Variants in RHBG observed in about 807,000 individuals in gnomAD.
RHBG encodes ammonium transporter Rh type B.
In RHBG, 39 loss-of-function variants were observed where a neutral mutation model predicts 40.1. That is an observed-to-expected ratio of 0.97 (90% confidence interval 0.75 to 1.27). The LOEUF is 1.27. RHBG is among the 50% of genes most tolerant of loss of function. The probability of loss-of-function intolerance (pLI) is 0.00; values close to 1 mark genes in which losing one functional copy is unlikely to be tolerated. For missense variants in RHBG, 549 were observed against 588.1 expected, an observed-to-expected ratio of 0.93 and a Z score of 0.69; for synonymous variants, 237 against 252.5, an observed-to-expected ratio of 0.94 and a Z score of 0.58.
Position 156,381,464 on chromosome 1 carries a change from G to A in RHBG, c.791G>A (p.Gly264Asp). The A allele has an allele frequency of 6.2e-7, 1 of 1,613,924 alleles. No individual in the cohort carries two copies. The highest frequency in any genetic ancestry group is 8.5e-7 in the Non-Finnish European group (1 of 1,179,884). The change falls in exon 5 of 10, where the codon GGC (glycine) becomes GAC (aspartate). Residue 264 changes from glycine (G) to aspartate (D), a missense_variant. Transcript: ENST00000537040. ...TYYSLAASTL[G>D]TFALSALVGE... Reference sequence around the variant, plus strand: ...TACTCCCTGGCTGCCAGCACCCTTGGCACCTTTGCCTTGTCAGCCCTTGTA... The same window carrying A: ...TACTCCCTGGCTGCCAGCACCCTTGACACCTTTGCCTTGTCAGCCCTTGTA...
intron 1 of RHBG, among the ~76,000 whole-genome samples, chr1:156,370,614 CAAAAA>C (rs59248542): frequency 6.1e-4 from 40 of 66,092 alleles, no homozygotes; most frequent in Middle Eastern, 0.015. Flanking sequence ...GACTCTGTCT[CAAAAA>C]AAAAAAAAAA....
intron 4 of RHBG, among the ~76,000 whole-genome samples, chr1:156,380,655 G>A (rs1486281175): frequency 6.7e-6 from 1 of 149,422 alleles, no homozygotes; most frequent in Non-Finnish European, 1.5e-5. Context: ...GAACCTGGGA[G>A]GCAGAGATTG....
chr1:156,384,467 G>T, intron 8 of RHBG, 60 bp from the exon 9 acceptor site: 2 of 1,515,402 alleles, frequency 1.3e-6, no homozygotes, highest in Non-Finnish European at 1.8e-6. Flanking sequence ...GCACTGGGTG[G>T]CACCCTCCTC....
At chr1:156,379,275 C>T (rs1451663286) in intron 4 of RHBG, among the ~76,000 whole-genome samples, 2 of 152,154 alleles carry the variant, frequency 1.3e-5, no homozygotes, top group East Asian at 1.9e-4. Flanking sequence ...GGATTACAGG[C>T]GTGAGCCACT....
chr1:156,382,992 G>T, intron 8 of RHBG, 123 bp downstream of exon 8: 1 of 1,386,630 alleles, frequency 7.2e-7, no homozygotes, highest in Non-Finnish European at 9.9e-7. Flanking sequence ...ATTGGGTTGT[G>T]GGTTAAGGGG....
chr1:156,369,321 C>A lies in RHBG; in HGVS notation c.72C>A (p.Gly24=). The change falls in exon 1 of 10, where the codon GGC becomes GGA. Residue 24 remains glycine (G), a synonymous_variant. Transcript: ENST00000537040. ...CCCTGCTGTGCCTCTTCCTCCAGGG[C>A]GCCACTGCCGTCCTCTTTGCTGTCT... ...QLPLLCLFLQ[G]ATAVLFAVFV... 6.2e-7 allele frequency: 1 copy of A among 1,614,202 alleles called. No homozygotes were observed. The highest frequency in any genetic ancestry group is 1.1e-5 in the South Asian group (1 of 91,086).
In RHBG at chr1:156,385,077, C is replaced by T; in HGVS notation, c.*232C>T. ...CAATAGGGGGAACCTCACCAGATGC[C>T]CAACCCGACTGCCCTACCAGCCTGC... On this transcript the variant is annotated 3_prime_UTR_variant, in exon 10 of 10. Transcript: ENST00000537040. 2.1e-6 allele frequency: 1 copy of T among 481,860 alleles called. No individual in the cohort carries two copies. Among genetic ancestry groups the T allele is most frequent in the Non-Finnish European group, 3.8e-6 (1 of 265,734 alleles). 29.8% of individuals were successfully genotyped at this position (481,860 alleles called of 1,614,324 possible). A position where few individuals can be genotyped will look rare whatever the true frequency, so the allele number is the denominator to read the frequency against.
chr1:156,381,659 A>T, intron 5 of RHBG, 146 bp downstream of exon 5: 1 of 1,381,426 alleles, frequency 7.2e-7, no homozygotes, highest in Non-Finnish European at 9.9e-7. Flanking sequence ...ATGGGATCAG[A>T]ATGGGAGGCG....
rs756954532 is a variant in RHBG, at chr1:156,377,869, C to T, written c.375-121C>T. ...GAGGAGCTTGAGCTCCTTGTCTTCT[C>T]TCCAGAACTCCAACCCCACCCCACC... On this transcript the variant is annotated intron_variant, in intron 2 of 9. Transcript: ENST00000537040. This position sits in a 1 kb window ranked among gnomAD's most constrained non-coding sequence, Gnocchi z 4.6. The T allele has an allele frequency of 2.3e-5, 25 of 1,084,164 alleles. 1 individual carries two copies. Among genetic ancestry groups the T allele is most frequent in the Non-Finnish European group, 3.3e-5 (25 of 766,102 alleles). 67.2% of individuals were successfully genotyped at this position (1,084,164 alleles called of 1,614,324 possible).
chr1:156,378,637 A>AT (rs1315139152), intron 4 of RHBG, among the ~76,000 whole-genome samples: 1 of 152,050 alleles, frequency 6.6e-6, no homozygotes, highest in Non-Finnish European at 1.5e-5. Flanking sequence ...ATCCACCTCC[A>AT]TCCTACTTAA....
intron 1 of RHBG, among the ~76,000 whole-genome samples, chr1:156,370,637 A>AAAAAAAG (rs1557793361): frequency 7.0e-6 from 1 of 143,142 alleles, no homozygotes; most frequent in Non-Finnish European, 1.5e-5. Context: ...AAAAAAAAAA[A>AAAAAAAG]AAAGAAAGAA....
chr1:156,383,079 G>A (rs4618959), intron 8 of RHBG, among the ~76,000 whole-genome samples: 55,714 of 152,028 alleles, frequency 0.37, 12,014 homozygotes, highest in African/African-American at 0.59. Context: ...TGGGGAGTCC[G>A]CGAGGGGTGA....
At chr1:156,375,174 G>A (rs1226095269) in intron 1 of RHBG, among the ~76,000 whole-genome samples, 3 of 152,014 alleles carry the variant, frequency 2.0e-5, no homozygotes, top group African/African-American at 4.8e-5. Flanking sequence ...CGGGTCAAGC[G>A]ATTCTACTGC....
In RHBG at chr1:156,377,896, A is replaced by C; in HGVS notation, c.375-94A>C. On this transcript the variant is annotated intron_variant, in intron 2 of 9. Coordinates refer to ENST00000537040, the MANE Select transcript of RHBG (RefSeq NM_020407.5). This position sits in a 1 kb window ranked among gnomAD's most constrained non-coding sequence, Gnocchi z 4.6. ...CCAGAACTCCAACCCCACCCCACCC[A>C]CCACATCATGCTGTCCTGGCTTCAT... 1.7e-4 allele frequency: 154 copies of C among 880,318 alleles called. No individual in the cohort carries two copies. The highest frequency in any genetic ancestry group is 2.1e-4 in the Non-Finnish European group (122 of 586,700). 54.5% of individuals were successfully genotyped at this position (880,318 alleles called of 1,614,324 possible). A position where few individuals can be genotyped will look rare whatever the true frequency, so the allele number is the denominator to read the frequency against.
At chr1:156,374,106 T>G (rs1489902300) in intron 1 of RHBG, among the ~76,000 whole-genome samples, 1 of 152,180 alleles carries the variant, frequency 6.6e-6, no homozygotes, top group African/African-American at 2.4e-5. Flanking sequence ...CTGCCTGAGC[T>G]CCACCTCCTG....
rs763424903 is a variant in RHBG at position 156,369,255 on chromosome 1, C to T, written c.6C>T (p.Ala2=). 26 of 1,612,624 alleles carry T rather than the reference C, an allele frequency of 1.6e-5. No individual in the cohort carries two copies. In the East Asian group the frequency reaches 5.3e-4, roughly 33 times the overall value. M[A]GSPSRAAGRR... is the part of the protein sequence containing the mutation. Reference sequence around the variant, plus strand: ...CCGAGATCGCAGCCCAACCCATGGCCGGGTCTCCTAGCCGCGCCGCGGGCC... The same window carrying T: ...CCGAGATCGCAGCCCAACCCATGGCTGGGTCTCCTAGCCGCGCCGCGGGCC... The change falls in exon 1 of 10, where the codon GCC becomes GCT. Residue 2 remains alanine (A), a synonymous_variant. Coordinates refer to ENST00000537040, the MANE Select transcript of RHBG (RefSeq NM_020407.5).
Position 156,382,204 on chromosome 1 carries a change from G to T in RHBG, c.1112+3G>T. On this transcript the variant is annotated splice_donor_region_variant and intron_variant, in intron 7 of 9. Transcript: ENST00000537040. Reference sequence around the variant, plus strand: ...ACCCATGAAGCTTACGGAGATGGGTGAGTTTCCTCCCAACCCGTACTGCAG... The same window carrying T: ...ACCCATGAAGCTTACGGAGATGGGTTAGTTTCCTCCCAACCCGTACTGCAG... The T allele has an allele frequency of 6.2e-7, 1 of 1,614,134 alleles. No homozygotes were observed. The highest frequency in any genetic ancestry group is 1.7e-5 in the Admixed American group (1 of 60,024).
intron 1 of RHBG, among the ~76,000 whole-genome samples, chr1:156,376,368 T>A: frequency 6.6e-6 from 1 of 150,510 alleles, no homozygotes; most frequent in East Asian, 1.9e-4. Context: ...TTTCCTAAAT[T>A]TTTTTTTTTT....
At chr1:156,378,687 G>C (rs1667400965) in intron 4 of RHBG, among the ~76,000 whole-genome samples, 1 of 152,108 alleles carries the variant, frequency 6.6e-6, no homozygotes, top group African/African-American at 2.4e-5. Flanking sequence ...TTAGAAAGTG[G>C]CCTCCTCAGC....
Sources: allele counts gnomAD v4.1 joint callset (sites outside exome capture counted in the v4.1 genomes callset), GRCh38; gene constraint gnomAD v4.1.1; non-coding constraint Gnocchi (gnomAD v3.1); transcripts MANE v1.5; gene names NCBI Gene and HGNC (gene_info 2026-07-23, HGNC 2026-07-21).